The following ECT2L variants were observed in gnomAD, a reference collection of about 807,000 sequenced individuals.
ECT2L encodes epithelial cell-transforming sequence 2 oncogene-like.
Under a neutral mutation model 122.8 loss-of-function variants are expected in ECT2L, and 126 were observed. That is an observed-to-expected ratio of 1.03 (90% CI 0.89 to 1.19). ECT2L has a LOEUF of 1.19. Among genes scored for constraint, ECT2L ranks in the 50% most tolerant of loss-of-function variants. ECT2L has a pLI of 0.00. For synonymous variants in ECT2L, 385 were observed against 381.8 expected, an observed-to-expected ratio of 1.01 and a Z score of -0.10; for missense variants, 1,012 against 1,064.1, an observed-to-expected ratio of 0.95 and a Z score of 0.68.
chr6:138,812,382 A>G (rs768778017), intron 1 of ECT2L, among the ~76,000 whole-genome samples: 4 of 152,270 alleles, frequency 2.6e-5, no homozygotes, highest in Non-Finnish European at 5.9e-5. Flanking sequence ...TTTTAAGCTG[A>G]AAAATGCTGG....
intron 13 of ECT2L, among the ~76,000 whole-genome samples, chr6:138,875,159 T>C (rs534206610): frequency 6.6e-6 from 1 of 152,204 alleles, no homozygotes; most frequent in Non-Finnish European, 1.5e-5. Flanking sequence ...CAGGCTGGTA[T>C]GAGACAGCCA....
chr6:138,813,258 C>T lies in ECT2L; in HGVS notation c.-17C>T, dbSNP rs778668888. On this transcript the variant is annotated 5_prime_UTR_variant, in exon 3 of 22. Transcript: ENST00000541398. ...GCTGAGACGTCAGCTGGGGATTCTT[C>T]CTGGAGAACTCCAGAAATGGAGAGC... 1.2e-6 allele frequency: 2 copies of T among 1,602,408 alleles called. No individual in the cohort carries two copies. Among genetic ancestry groups the T allele is most frequent in the Non-Finnish European group, 1.7e-6 (2 of 1,176,606 alleles).
chr6:138,857,825 A>G (rs1777669265), intron 10 of ECT2L, among the ~76,000 whole-genome samples: 1 of 152,000 alleles, frequency 6.6e-6, no homozygotes, highest in Non-Finnish European at 1.5e-5. Context: ...GTATTATTCC[A>G]TTCTCACGCT....
At chr6:138,890,177 A>G (rs920779721) in intron 20 of ECT2L, among the ~76,000 whole-genome samples, 10 of 152,204 alleles carry the variant, frequency 6.6e-5, no homozygotes, top group Non-Finnish European at 1.2e-4. Flanking sequence ...ATAAAATTCT[A>G]TTCTCAAACA....
At chr6:138,880,375 C>G (rs978911263) in intron 14 of ECT2L, among the ~76,000 whole-genome samples, 3 of 152,146 alleles carry the variant, frequency 2.0e-5, no homozygotes, top group African/African-American at 7.2e-5. Flanking sequence ...TGATCCCATT[C>G]ATGAAGGAGG....
intron 4 of ECT2L, among the ~76,000 whole-genome samples, chr6:138,826,784 G>C (rs958157855): frequency 6.6e-6 from 1 of 152,092 alleles, no homozygotes; most frequent in South Asian, 2.1e-4. Context: ...TGGGTCACGG[G>C]GGGCAGATCC....
At chr6:138,819,774 C>G (rs1776208229) in intron 4 of ECT2L, among the ~76,000 whole-genome samples, 1 of 151,810 alleles carries the variant, frequency 6.6e-6, no homozygotes, top group Non-Finnish European at 1.5e-5. Context: ...CTAATCCCAG[C>G]TATTCGGGAG....
intron 9 of ECT2L, among the ~76,000 whole-genome samples, chr6:138,853,070 C>A (rs1433983754): frequency 6.6e-6 from 1 of 152,068 alleles, no homozygotes; most frequent in Non-Finnish European, 1.5e-5. Flanking sequence ...TGGGTTCAAG[C>A]GATTCTTCTG....
In ECT2L at chr6:138,881,028, A is replaced by G. The variant is rs758522136; in HGVS notation, c.1737A>G (p.Arg579=). 2.5e-6 allele frequency: 4 copies of G among 1,614,072 alleles called. No homozygotes were observed. Among genetic ancestry groups the G allele is most frequent in the African/African-American group, 2.7e-5 (2 of 74,934 alleles). The change falls in exon 15 of 22, where the codon AGA becomes AGG. Residue 579 remains arginine, a synonymous_variant. Coordinates refer to ENST00000541398, the MANE Select transcript of ECT2L (RefSeq NM_001077706.3). ...TCAGAGAACTCTTACAGAGTGAGAG[A>G]AAATACGTGCAGATACTGGAAATTG... The part of the protein sequence containing the change: ...RVVRELLQSE[R]KYVQILEIVR...
At chr6:138,842,613 A>T (rs750172649) in intron 5 of ECT2L, among the ~76,000 whole-genome samples, 70 of 151,938 alleles carry the variant, frequency 4.6e-4, no homozygotes, top group Middle Eastern at 3.2e-3. Context: ...CTACTAAAAA[A>T]ACAAAAAAAT....
chr6:138,833,679 G>A (rs558831524), intron 4 of ECT2L, among the ~76,000 whole-genome samples: 1 of 152,198 alleles, frequency 6.6e-6, no homozygotes, highest in East Asian at 1.9e-4. Flanking sequence ...GCATGCACCT[G>A]TAATCCCAGC....
chr6:138,887,040 C>G, intron 19 of ECT2L, 118 bp downstream of exon 19: 5 of 772,182 alleles, frequency 6.5e-6, no homozygotes, highest in Non-Finnish European at 1.1e-5. Flanking sequence ...CTGCTACGTG[C>G]CAGGCACTGC....
chr6:138,893,837 T>G (rs1034765852), intron 20 of ECT2L, among the ~76,000 whole-genome samples: 7 of 152,184 alleles, frequency 4.6e-5, no homozygotes, highest in Admixed American at 4.6e-4. Context: ...AGTCCACACT[T>G]TATCTCTAGT....
intron 13 of ECT2L, among the ~76,000 whole-genome samples, chr6:138,872,971 G>A (rs1241529363): frequency 1.3e-5 from 2 of 152,182 alleles, no homozygotes; most frequent in Non-Finnish European, 2.9e-5. Context: ...TGGGCTCATT[G>A]AAACCTAAGG....
chr6:138,896,604 T>A (rs545077993), intron 20 of ECT2L, among the ~76,000 whole-genome samples: 2 of 152,194 alleles, frequency 1.3e-5, no homozygotes, highest in African/African-American at 2.4e-5. Flanking sequence ...CAGCTCACAG[T>A]GGTGCTGATG....
At position 138,889,018 on chromosome 6, in the gene ECT2L, A is replaced by T; in HGVS notation, c.2401A>T (p.Ser801Cys). ...AQLHCCDEEISFSLRLYEHIH... is the reference protein window; with the variant it reads ...AQLHCCDEEICFSLRLYEHIH... The stretch of plus-strand genomic sequence containing the variant: ...ACTTCATTGCTGTGATGAAGAAATA[A>T]GTTTCTCTTTAAGGTAAACAATAGT... Residue 801 changes from serine to cysteine, a missense_variant, in exon 20 of 22, where the codon AGT becomes TGT. Physicochemically the swap from Ser to Cys is moderately radical, Grantham distance 112. Transcript: ENST00000541398. 6.5e-7 allele frequency: 1 copy of T among 1,547,738 alleles called. No individual in the cohort carries two copies. The highest frequency in any genetic ancestry group is 8.8e-7 in the Non-Finnish European group (1 of 1,141,176).
At chr6:138,840,034 G>A (rs553332052) in intron 5 of ECT2L, among the ~76,000 whole-genome samples, 8 of 152,116 alleles carry the variant, frequency 5.3e-5, no homozygotes, top group Non-Finnish European at 7.4e-5. Flanking sequence ...ATGCTAAGTC[G>A]ATTAACACAC....
intron 13 of ECT2L, among the ~76,000 whole-genome samples, chr6:138,872,572 G>A (rs776388504): frequency 4.6e-5 from 7 of 152,158 alleles, no homozygotes; most frequent in Non-Finnish European, 8.8e-5. Context: ...GAAATTCTTG[G>A]AGATTATTCT....
intron 4 of ECT2L, among the ~76,000 whole-genome samples, chr6:138,837,896 T>C (rs1776896082): frequency 7.2e-6 from 1 of 139,336 alleles, no homozygotes; most frequent in Non-Finnish European, 1.5e-5. Flanking sequence ...TAATTCAAAG[T>C]GAATACTTTT....
Sources: allele counts gnomAD v4.1 joint callset (sites outside exome capture counted in the v4.1 genomes callset), GRCh38; gene constraint gnomAD v4.1.1; transcripts MANE v1.5; gene names NCBI Gene and HGNC (gene_info 2026-07-23, HGNC 2026-07-21).